The following LCOR variants were observed in gnomAD, a reference collection of about 807,000 sequenced individuals.
LCOR encodes ligand dependent nuclear receptor corepressor.
A neutral mutation model predicts 64.4 loss-of-function variants in LCOR; 14 were observed. The ratio of observed to expected loss-of-function variants is 0.22; its 90% CI spans 0.14 to 0.34. The LOEUF (loss-of-function observed/expected upper bound fraction) is 0.34, where lower values mean the gene tolerates loss of function less well. LCOR is among the 10% of genes least tolerant of loss of function. LCOR has a pLI of 1.00. For missense variants in LCOR, 1,686 were observed against 1,765.3 expected, an observed-to-expected ratio of 0.96 and a Z score of 0.80; for synonymous variants, 643 against 642.5, an observed-to-expected ratio of 1.00 and a Z score of -0.01.
chr10:96,891,528 C>CTTTTTTTTTTTTTTT (rs1425431265), intron 2 of LCOR, among the ~76,000 whole-genome samples: 1 of 12,244 alleles, frequency 8.2e-5, no homozygotes, highest in African/African-American at 2.4e-4. Flanking sequence ...TCTGTCTTGA[C>CTTTTTTTTTTTTTTT]TCTTTTTTTT....
rs564277245 is a variant in LCOR at position 96,915,814 on chromosome 10, A to C, written c.-184+8067A>C. 2.2e-4 allele frequency: 123 copies of C among 571,430 alleles called. 1 individual carries two copies. Among genetic ancestry groups the C allele is most frequent in the South Asian group, 1.8e-3 (119 of 67,202 alleles). 35.4% of individuals were successfully genotyped at this position (571,430 alleles called of 1,614,324 possible). ...GCTCTGGCTTTGGAGGAGCAGGGTT[A>C]GCAGACAACCTTGCAGATCTTCTCT... is the stretch of plus-strand genomic sequence containing the variant. On this transcript the variant is annotated intron_variant, in intron 4 of 7. Coordinates refer to ENST00000421806, the MANE Select transcript of LCOR (RefSeq NM_001346516.2).
intron 7 of LCOR, chr10:96,956,646 C>T (rs756081413): frequency 9.4e-5 from 93 of 985,740 alleles, no homozygotes; most frequent in Middle Eastern, 5.2e-4. Flanking sequence ...TGAACACTAC[C>T]TTTGCTGTAA....
chr10:96,918,582 A>T (rs1846995328), intron 4 of LCOR, among the ~76,000 whole-genome samples: 1 of 152,208 alleles, frequency 6.6e-6, no homozygotes, highest in Non-Finnish European at 1.5e-5. Flanking sequence ...TAAGTACTAT[A>T]CTCATAGAAG....
chr10:96,894,947 C>G (rs1464091221), intron 2 of LCOR, among the ~76,000 whole-genome samples: 1 of 152,116 alleles, frequency 6.6e-6, no homozygotes, highest in Admixed American at 6.5e-5. Context: ...AAAGATAGAA[C>G]AGTAAAAAAG....
intron 7 of LCOR, chr10:96,955,374 G>A: frequency 6.2e-7 from 1 of 1,614,178 alleles, no homozygotes; most frequent in South Asian, 1.1e-5. Flanking sequence ...ATCTCCTGTA[G>A]ATTTAAAGAT....
intron 4 of LCOR, among the ~76,000 whole-genome samples, chr10:96,931,642 G>C (rs1207966618): frequency 1.3e-5 from 2 of 152,166 alleles, no homozygotes; most frequent in African/African-American, 4.8e-5. Context: ...ACGCAAAGTA[G>C]TGAGTCTACC....
chr10:96,846,052 C>T (rs1032889148), intron 2 of LCOR, among the ~76,000 whole-genome samples: 1 of 151,852 alleles, frequency 6.6e-6, no homozygotes, highest in Non-Finnish European at 1.5e-5. Context: ...ACTGAAAATA[C>T]AAAAACTAGC....
intron 4 of LCOR, among the ~76,000 whole-genome samples, chr10:96,917,781 G>A (rs1463051550): frequency 2.0e-5 from 3 of 152,274 alleles, no homozygotes; most frequent in South Asian, 2.1e-4. Flanking sequence ...AAGAGTTGTC[G>A]AAGCTTAGTG....
rs1848214773 is a variant in LCOR, at chr10:96,993,091, C to T, written c.*7957C>T. On this transcript the variant is annotated 3_prime_UTR_variant, in exon 8 of 8. Transcript: ENST00000421806. ...AGAGCACCCCTAGATGGGATGGAAC[C>T]AGTGCTTTATGATCATGTTCCTCTT... 6.6e-6 allele frequency: 1 copy of T among 152,198 alleles called. No homozygotes were observed. Among genetic ancestry groups the T allele is most frequent in the African/African-American group, 2.4e-5 (1 of 41,424 alleles). The allele number at this position is 152,198 out of a possible 1,614,324, so 9.4% of individuals were successfully genotyped here.
intron 7 of LCOR, chr10:96,957,710 G>T (rs1468446980): frequency 3.0e-6 from 3 of 985,234 alleles, no homozygotes; most frequent in Admixed American, 6.1e-5. Flanking sequence ...ATTAAATTAG[G>T]TTAAGTTTTC....
chr10:96,934,889 A>G (rs571369306), intron 4 of LCOR, among the ~76,000 whole-genome samples: 1 of 152,216 alleles, frequency 6.6e-6, no homozygotes, highest in Non-Finnish European at 1.5e-5. Context: ...GGCGTGAGCC[A>G]CCGCACCTGG....
intron 7 of LCOR, chr10:96,957,990 TG>T: frequency 4.0e-6 from 4 of 992,006 alleles, no homozygotes; most frequent in Non-Finnish European, 4.8e-6. Context: ...ATGAAATATA[TG>T]GTTTTCATCT....
At chr10:96,833,252 C>G (rs1184824811) in intron 1 of LCOR, 154 bp from the exon 2 acceptor site, 2 of 960,256 alleles carry the variant, frequency 2.1e-6, no homozygotes, top group Non-Finnish European at 2.5e-6. Flanking sequence ...GCCCGAATGC[C>G]CCGTCCGCCC....
chr10:96,867,132 A>G (rs1252017937), intron 2 of LCOR, among the ~76,000 whole-genome samples: 3 of 151,840 alleles, frequency 2.0e-5, no homozygotes, highest in African/African-American at 4.8e-5. Flanking sequence ...GATTACAGGC[A>G]TGCTCCCCTC....
chr10:96,911,093 C>CTTTTT (rs71007308), intron 4 of LCOR, among the ~76,000 whole-genome samples: 21 of 114,146 alleles, frequency 1.8e-4, no homozygotes, highest in African/African-American at 3.3e-4. Context: ...TACATGTTCC[C>CTTTTT]TTTTTTTTTT....
At chr10:96,919,211 G>A (rs1346754473) in intron 4 of LCOR, among the ~76,000 whole-genome samples, 1 of 152,062 alleles carries the variant, frequency 6.6e-6, no homozygotes, top group Non-Finnish European at 1.5e-5. Flanking sequence ...TTTAGAATAT[G>A]CCTACTTATA....
In LCOR at chr10:96,907,678, T is replaced by G; in HGVS notation, c.-253T>G. ...TTACTATTTTTGCAGACTGTGAACC[T>G]GAAAGCATTTCTGATTGGACTTTTG... is the stretch of plus-strand genomic sequence containing the variant. On this transcript the variant is annotated 5_prime_UTR_variant, in exon 4 of 8. Transcript: ENST00000421806. 4.1e-6 allele frequency: 4 copies of G among 981,790 alleles called. No homozygotes were observed. The highest frequency in any genetic ancestry group is 4.8e-6 in the Non-Finnish European group (4 of 826,234). 60.8% of individuals were successfully genotyped at this position (981,790 alleles called of 1,614,324 possible).
intron 2 of LCOR, among the ~76,000 whole-genome samples, chr10:96,861,473 G>A (rs986034379): frequency 6.6e-6 from 1 of 152,228 alleles, no homozygotes; most frequent in South Asian, 2.1e-4. Flanking sequence ...CCAAACGTGG[G>A]TTTTTTCCCC....
chr10:96,989,695 A>ATATATAT lies in LCOR; in HGVS notation c.*4562_*4563insATATATT, dbSNP rs1371771053. The ATATATAT allele has an allele frequency of 1.2e-5, 1 of 86,190 alleles. No individual in the cohort carries two copies. Among genetic ancestry groups the ATATATAT allele is most frequent in the African/African-American group, 6.2e-5 (1 of 16,156 alleles). 5.3% of individuals were successfully genotyped at this position (86,190 alleles called of 1,614,324 possible). On this transcript the variant is annotated 3_prime_UTR_variant, in exon 8 of 8. Coordinates refer to ENST00000421806, the MANE Select transcript of LCOR (RefSeq NM_001346516.2). ...TAAGGATATATATATATATATATAT[A>ATATATAT]TTTTTTTTTTTTTTTTTTTTTTTTA... is the stretch of plus-strand genomic sequence containing the variant.
Sources: allele counts gnomAD v4.1 joint callset (sites outside exome capture counted in the v4.1 genomes callset), GRCh38; gene constraint gnomAD v4.1.1; transcripts MANE v1.5; gene names NCBI Gene and HGNC (gene_info 2026-07-23, HGNC 2026-07-21).